The following STAC variants were observed in gnomAD, a reference collection of about 807,000 sequenced individuals.
STAC encodes the protein SH3 and cysteine rich domain.
STAC carries 43 observed loss-of-function variants against 48.8 expected under a neutral mutation model. The ratio of observed to expected loss-of-function variants is 0.88; its 90% CI spans 0.69 to 1.14. The LOEUF is 1.14. STAC is among the 50% of genes most tolerant of loss of function. The pLI is 0.00. For missense variants in STAC, 497 were observed against 504.0 expected, an observed-to-expected ratio of 0.99 and a Z score of 0.13; for synonymous variants, 193 against 179.5, an observed-to-expected ratio of 1.07 and a Z score of -0.60.
At chr3:36,385,238 G>C (rs1015993912) in intron 1 of STAC, among the ~76,000 whole-genome samples, 1 of 152,082 alleles carries the variant, frequency 6.6e-6, no homozygotes, top group African/African-American at 2.4e-5. Context: ...AAATATTGAA[G>C]ATAGCCTAAT....
At chr3:36,384,906 T>C (rs545029124) in intron 1 of STAC, among the ~76,000 whole-genome samples, 2 of 152,286 alleles carry the variant, frequency 1.3e-5, no homozygotes, top group Non-Finnish European at 2.9e-5. Flanking sequence ...CAGCAATTAT[T>C]TATTGAGTGC....
In STAC at chr3:36,475,015, G is replaced by A. The variant is rs142713942; in HGVS notation, c.389-7977G>A. Among the ~76,000 whole-genome samples the A allele has an allele frequency of 1.3e-3, 205 of 152,214 alleles. 1 individual carries two copies. Among genetic ancestry groups the A allele is most frequent in the Middle Eastern group, 3.4e-3 (1 of 292 alleles). On this transcript the variant is annotated intron_variant, in intron 2 of 10. Coordinates refer to ENST00000273183, the MANE Select transcript of STAC (RefSeq NM_003149.3). Reference sequence around the variant, plus strand: ...TTTTCTCGTGTGTGTGTGTGTGCGCGCGCGCACGCATGTGTGTTTGTATAT... The same window carrying A: ...TTTTCTCGTGTGTGTGTGTGTGCGCACGCGCACGCATGTGTGTTTGTATAT...
intron 1 of STAC, among the ~76,000 whole-genome samples, chr3:36,388,371 T>G (rs769298231): frequency 1.3e-5 from 2 of 152,102 alleles, no homozygotes; most frequent in Admixed American, 6.5e-5. Flanking sequence ...TTTAAAAAAT[T>G]ATTTATAAAT....
At chr3:36,426,711 T>C (rs538042425) in intron 1 of STAC, among the ~76,000 whole-genome samples, 43 of 152,302 alleles carry the variant, frequency 2.8e-4, no homozygotes, top group African/African-American at 9.6e-4. Context: ...TCAAATTCTA[T>C]AACGTATATG....
At chr3:36,418,174 CCTTT>C (rs1209024496) in intron 1 of STAC, among the ~76,000 whole-genome samples, 1 of 151,894 alleles carries the variant, frequency 6.6e-6, no homozygotes, top group Non-Finnish European at 1.5e-5. Flanking sequence ...CTTAGGCCTT[CCTTT>C]GTTTTTCTTT....
chr3:36,432,279 C>T (rs115169265), intron 1 of STAC, among the ~76,000 whole-genome samples: 9 of 152,318 alleles, frequency 5.9e-5, no homozygotes, highest in African/African-American at 2.2e-4. Context: ...AACTTTCCTA[C>T]ACTCACACTG....
At chr3:36,451,922 G>C (rs540358503) in intron 2 of STAC, among the ~76,000 whole-genome samples, 5 of 152,296 alleles carry the variant, frequency 3.3e-5, no homozygotes, top group African/African-American at 4.8e-5. Context: ...CACTTGTTTA[G>C]CTAATGAGTC....
At chr3:36,486,036 C>A (rs1575232950) in intron 4 of STAC, 98 bp from the exon 5 acceptor site, 6 of 877,918 alleles carry the variant, frequency 6.8e-6, no homozygotes, top group Middle Eastern at 2.5e-4. Flanking sequence ...CTGCACAGAG[C>A]CTGCTTCTCA....
intron 1 of STAC, among the ~76,000 whole-genome samples, chr3:36,426,313 G>A (rs2125648847): frequency 6.6e-6 from 1 of 152,304 alleles, no homozygotes; most frequent in East Asian, 1.9e-4. Flanking sequence ...TCTCTTGCTA[G>A]ATAGATTATA....
At chr3:36,416,294 G>A (rs1700317572) in intron 1 of STAC, among the ~76,000 whole-genome samples, 1 of 152,126 alleles carries the variant, frequency 6.6e-6, no homozygotes, top group South Asian at 2.1e-4. Context: ...AACATAGTGA[G>A]ACATGGTATC....
intron 10 of STAC, among the ~76,000 whole-genome samples, chr3:36,538,616 A>G (rs1699252896): frequency 6.6e-6 from 1 of 152,118 alleles, no homozygotes; most frequent in Non-Finnish European, 1.5e-5. Flanking sequence ...CAACTTACAC[A>G]CTCACACCAG....
Position 36,443,676 on chromosome 3 carries a change from C to A in STAC, c.388+36C>A, listed in dbSNP as rs1171644100. On this transcript the variant is annotated intron_variant, in intron 2 of 10. Transcript: ENST00000273183. The surrounding 1 kb of genome is among the most constrained non-coding windows in gnomAD (Gnocchi z 4.2). ...CCACCCCTTTCTCCAGATCCCAGCA[C>A]CCCCGGAAAGCTGAGTGAGAGTGGT... 2 of 1,597,396 alleles carry A rather than the reference C, an allele frequency of 1.3e-6. No individual in the cohort carries two copies. Among genetic ancestry groups the A allele is most frequent in the South Asian group, 1.1e-5 (1 of 90,522 alleles).
chr3:36,517,766 T>C (rs1698708156), intron 8 of STAC, among the ~76,000 whole-genome samples: 1 of 152,178 alleles, frequency 6.6e-6, no homozygotes, highest in Non-Finnish European at 1.5e-5. Context: ...TGAATTAACA[T>C]AGACCATATG....
At chr3:36,500,108 G>A (rs1278074287) in intron 6 of STAC, among the ~76,000 whole-genome samples, 1 of 152,078 alleles carries the variant, frequency 6.6e-6, no homozygotes, top group Non-Finnish European at 1.5e-5. Context: ...AAACCAGATA[G>A]ACAAAAATAT....
chr3:36,494,027 C>T (rs1235823684), intron 6 of STAC, among the ~76,000 whole-genome samples: 1 of 151,378 alleles, frequency 6.6e-6, no homozygotes, highest in African/African-American at 2.4e-5. Context: ...TGGTGGGCGC[C>T]TGTAGTCCCA....
chr3:36,542,465 C>T (rs576693666), intron 10 of STAC, among the ~76,000 whole-genome samples: 6 of 152,186 alleles, frequency 3.9e-5, no homozygotes, highest in Non-Finnish European at 5.9e-5. Context: ...GTCCCTCCAT[C>T]TCTCTGTTCT....
chr3:36,416,911 G>A (rs753830241), intron 1 of STAC, among the ~76,000 whole-genome samples: 3 of 152,136 alleles, frequency 2.0e-5, no homozygotes, highest in Admixed American at 2.0e-4. Context: ...CTGTTACCTG[G>A]ATTCAACCAC....
chr3:36,505,831 T>C lies in STAC; in HGVS notation c.917T>C (p.Met306Thr), dbSNP rs1434165339. Reference sequence around the variant, plus strand: ...CCACAGGAGAATGAAGATTTGGAAATGAGGTAAAAACCTTCTGTAAAGAAA... The same window carrying C: ...CCACAGGAGAATGAAGATTTGGAAACGAGGTAAAAACCTTCTGTAAAGAAA... The part of the protein sequence containing the change: ...FVPQENEDLE[M>T]RPGDIITLLE... The change falls in exon 8 of 11, where the codon ATG becomes ACG. Residue 306 changes from methionine (M) to threonine (T), a missense_variant. By Grantham distance (81) the Met-to-Thr change is moderately conservative (BLOSUM62 -1). Coordinates refer to ENST00000273183, the MANE Select transcript of STAC (RefSeq NM_003149.3). 1.3e-6 allele frequency: 2 copies of C among 1,599,430 alleles called. No individual in the cohort carries two copies. The highest frequency in any genetic ancestry group is 2.7e-5 in the African/African-American group (2 of 74,114).
intron 1 of STAC, among the ~76,000 whole-genome samples, chr3:36,404,367 G>A (rs551218456): frequency 5.4e-4 from 82 of 152,254 alleles, no homozygotes; most frequent in African/African-American, 1.8e-3. Context: ...TTCTCTTCCC[G>A]TGTAGTATTG....
Sources: allele counts gnomAD v4.1 joint callset (sites outside exome capture counted in the v4.1 genomes callset), GRCh38; gene constraint gnomAD v4.1.1; non-coding constraint Gnocchi (gnomAD v3.1); transcripts MANE v1.5; gene names NCBI Gene and HGNC (gene_info 2026-07-23, HGNC 2026-07-21).